Variants in RARB observed in about 807,000 individuals in gnomAD.
The protein encoded by RARB is retinoic acid receptor beta.
In RARB, 17 loss-of-function variants were observed where a neutral mutation model predicts 51.9. The observed-to-expected ratio is 0.33, with a 90% CI of 0.22 to 0.49. RARB has a LOEUF of 0.49. Ranked by LOEUF, RARB falls within the 20% of genes least tolerant of loss-of-function variation. RARB has a pLI of 0.99. For synonymous variants in RARB, 215 were observed against 195.4 expected (o/e 1.10, Z -0.84); for missense variants, 369 against 550.8 (o/e 0.67, Z 3.30).
In RARB at chr3:24,906,440, G is replaced by C. The variant is rs560695785; in HGVS notation, c.-380+47688G>C. ...GGAGCACCATTTAAAGACCAGGATA[G>C]TTGAGATTGTTGTAACAAAAGTACT... On this transcript the variant is annotated intron_variant, in intron 2 of 11. Coordinates refer to the RARB transcript ENST00000383772. 3.0e-4 allele frequency among the ~76,000 whole-genome samples: 45 copies of C among 152,330 alleles called. 2 individuals carry two copies. The South Asian group carries it at 9.1e-3, about 31-fold the overall frequency.
chr3:25,099,282 C>G (rs943368178), intron 3 of RARB, among the ~76,000 whole-genome samples: 3 of 152,084 alleles, frequency 2.0e-5, no homozygotes, highest in African/African-American at 7.2e-5. Flanking sequence ...TGTTAACTGT[C>G]CATCCTTGTT....
At chr3:25,037,115 G>T (rs140279460) in intron 2 of RARB, among the ~76,000 whole-genome samples, 1 of 152,106 alleles carries the variant, frequency 6.6e-6, no homozygotes, top group Non-Finnish European at 1.5e-5. Flanking sequence ...TCGTTGAAGC[G>T]GAGACATGGC....
chr3:25,401,733 G>C (rs1184498098), intron 5 of RARB, among the ~76,000 whole-genome samples: 2 of 152,142 alleles, frequency 1.3e-5, no homozygotes, highest in Non-Finnish European at 2.9e-5. Context: ...ACAGATAAAA[G>C]GATGGAAAAT....
At chr3:25,081,808 C>G (rs1359238407) in intron 3 of RARB, among the ~76,000 whole-genome samples, 1 of 149,046 alleles carries the variant, frequency 6.7e-6, no homozygotes, top group Admixed American at 6.7e-5. Context: ...AATTTTTGTA[C>G]TTTCAGTAGA....
chr3:25,081,625 T>TA (rs1699005206), intron 3 of RARB, among the ~76,000 whole-genome samples: 2 of 38,004 alleles, frequency 5.3e-5, no homozygotes, highest in Admixed American at 6.2e-4. Flanking sequence ...ATATATATTT[T>TA]TTTTTTTTTT....
At chr3:25,534,139 A>G (rs1021870638) in intron 3 of RARB, among the ~76,000 whole-genome samples, 2 of 152,218 alleles carry the variant, frequency 1.3e-5, no homozygotes, top group African/African-American at 2.4e-5. Flanking sequence ...ATCATCAGAA[A>G]ATGAGATTAT....
chr3:25,233,565 A>G (rs1702233517), intron 5 of RARB, among the ~76,000 whole-genome samples: 1 of 152,138 alleles, frequency 6.6e-6, no homozygotes, highest in Non-Finnish European at 1.5e-5. Context: ...ATGGCTAAAA[A>G]TTTTAGAATA....
intron 5 of RARB, among the ~76,000 whole-genome samples, chr3:25,200,511 C>G: frequency 6.6e-6 from 1 of 152,058 alleles, no homozygotes; most frequent in Non-Finnish European, 1.5e-5. Context: ...ACATGAAGTC[C>G]TTGCCCATGT....
At chr3:24,997,788 C>CTG (rs1697074168) in intron 2 of RARB, among the ~76,000 whole-genome samples, 1 of 152,102 alleles carries the variant, frequency 6.6e-6, no homozygotes, top group South Asian at 2.1e-4. Flanking sequence ...TTTAAATTCA[C>CTG]TGTATATACG....
intron 2 of RARB, among the ~76,000 whole-genome samples, chr3:24,897,608 T>A (rs1237449732): frequency 6.6e-6 from 1 of 152,208 alleles, no homozygotes; most frequent in Non-Finnish European, 1.5e-5. Flanking sequence ...ACAAGATTAA[T>A]ACTTGATACA....
intron 5 of RARB, among the ~76,000 whole-genome samples, chr3:25,352,782 T>C (rs1451422173): frequency 6.6e-6 from 1 of 152,178 alleles, no homozygotes; most frequent in Non-Finnish European, 1.5e-5. Flanking sequence ...ACATCACTCA[T>C]TACTTTCCAC....
chr3:25,159,829 A>T (rs2125345880), intron 4 of RARB, among the ~76,000 whole-genome samples: 1 of 152,242 alleles, frequency 6.6e-6, no homozygotes, highest in Non-Finnish European at 1.5e-5. Context: ...TCAGTATTCA[A>T]ATGAGGTTAA....
At chr3:24,853,006 A>G (rs937826916) in intron 1 of RARB, among the ~76,000 whole-genome samples, 7 of 152,128 alleles carry the variant, frequency 4.6e-5, no homozygotes, top group African/African-American at 7.2e-5. Flanking sequence ...CTATATCTCA[A>G]TAATGCTGCT....
At chr3:25,452,525 T>C (rs138027700) in intron 1 of RARB, among the ~76,000 whole-genome samples, 9 of 152,316 alleles carry the variant, frequency 5.9e-5, no homozygotes, top group African/African-American at 2.2e-4. Context: ...TGGAAAGTTA[T>C]AACCGTGAGT....
intron 2 of RARB, among the ~76,000 whole-genome samples, chr3:24,895,227 G>C (rs1311280411): frequency 2.0e-5 from 3 of 152,178 alleles, no homozygotes; most frequent in African/African-American, 7.2e-5. Flanking sequence ...ATATCACACA[G>C]TTAATTCATT....
At chr3:25,268,788 C>T (rs568781081) in intron 5 of RARB, among the ~76,000 whole-genome samples, 7 of 152,246 alleles carry the variant, frequency 4.6e-5, no homozygotes, top group East Asian at 3.9e-4. Flanking sequence ...AGCCTCTCTG[C>T]GCTTCTTAGG....
intron 1 of RARB, among the ~76,000 whole-genome samples, chr3:25,435,447 T>G (rs1708394329): frequency 6.6e-6 from 1 of 152,194 alleles, no homozygotes; most frequent in South Asian, 2.1e-4. Context: ...CTTTGTCATG[T>G]CATCAAAGTC....
chr3:25,202,782 G>T (rs1433321321), intron 5 of RARB, among the ~76,000 whole-genome samples: 1 of 152,180 alleles, frequency 6.6e-6, no homozygotes, highest in Non-Finnish European at 1.5e-5. Context: ...TAGTTTGATT[G>T]CACTGTGGTC....
chr3:25,260,094 C>G, intron 5 of RARB: 1 of 721,664 alleles, frequency 1.4e-6, no homozygotes, highest in Non-Finnish European at 1.7e-6. Context: ...AGATGAGTTT[C>G]AGCTTTGTTT....
Sources: allele counts gnomAD v4.1 joint callset (sites outside exome capture counted in the v4.1 genomes callset), GRCh38; gene constraint gnomAD v4.1.1; transcripts MANE v1.5; gene names NCBI Gene and HGNC (gene_info 2026-07-23, HGNC 2026-07-21).